The following CAMK1D variants were observed in gnomAD, a reference collection of about 807,000 sequenced individuals.
The protein encoded by CAMK1D is calcium/calmodulin dependent protein kinase ID.
A neutral mutation model predicts 47.7 loss-of-function variants in CAMK1D; 9 were observed. That is an observed-to-expected ratio of 0.19 (90% CI 0.11 to 0.33). The LOEUF (loss-of-function observed/expected upper bound fraction) is 0.33, where lower values mean the gene tolerates loss of function less well. Among genes scored for constraint, CAMK1D ranks in the 10% least tolerant of loss-of-function variants. CAMK1D has a pLI of 1.00. For missense variants in CAMK1D, 291 were observed against 488.7 expected, an observed-to-expected ratio of 0.60 and a Z score of 3.81; for synonymous variants, 184 against 184.9, an observed-to-expected ratio of 0.99 and a Z score of 0.04.
Position 12,728,836 on chromosome 10 carries a change from C to T in CAMK1D, c.300-32112C>T, listed in dbSNP as rs377535600. The stretch of plus-strand genomic sequence containing the variant: ...GTGTGTGTGTGTGTATGTGTGCGCA[C>T]GCACACGTGCCTCTGCCGTTGCTCC... On this transcript the variant is annotated intron_variant, in intron 3 of 10. Coordinates refer to ENST00000619168, the MANE Select transcript of CAMK1D (RefSeq NM_153498.4). Among the ~76,000 whole-genome samples, 311 of 152,298 alleles carry T rather than the reference C, an allele frequency of 2.0e-3. 1 individual carries two copies. Among genetic ancestry groups the T allele is most frequent in the African/African-American group, 7.0e-3 (290 of 41,572 alleles).
chr10:12,602,895 G>GTTATTATTATTATTATTATTATTA (rs71386103), intron 2 of CAMK1D, among the ~76,000 whole-genome samples: 26,250 of 134,178 alleles, frequency 0.2, 3,504 homozygotes, highest in Admixed American at 0.27. Context: ...CTAACTGCTT[G>GTTATTATTATTATTATTATTATTA]TTATTATTAT....
At chr10:12,750,698 A>G (rs1384073755) in intron 3 of CAMK1D, among the ~76,000 whole-genome samples, 1 of 152,144 alleles carries the variant, frequency 6.6e-6, no homozygotes, top group Non-Finnish European at 1.5e-5. Context: ...TGAATGATGA[A>G]TGAATGAATG....
chr10:12,746,899 G>C (rs1435736198), intron 3 of CAMK1D, among the ~76,000 whole-genome samples: 1 of 152,184 alleles, frequency 6.6e-6, no homozygotes, highest in Non-Finnish European at 1.5e-5. Context: ...GATGCCTTTA[G>C]TTGGGGTTAA....
intron 5 of CAMK1D, among the ~76,000 whole-genome samples, chr10:12,773,839 C>A (rs570594069): frequency 2.0e-5 from 3 of 152,160 alleles, no homozygotes; most frequent in Non-Finnish European, 4.4e-5. Flanking sequence ...ACAGAGGTTG[C>A]AGTGAGCTGA....
At chr10:12,734,383 T>C in intron 3 of CAMK1D, among the ~76,000 whole-genome samples, 1 of 1,948 alleles carries the variant, frequency 5.1e-4, no homozygotes, top group South Asian at 0.018. Flanking sequence ...TATATAGATA[T>C]AGATATAGAT....
intron 3 of CAMK1D, among the ~76,000 whole-genome samples, chr10:12,681,088 C>A (rs1308949548): frequency 1.3e-5 from 2 of 152,088 alleles, no homozygotes; most frequent in Non-Finnish European, 2.9e-5. Context: ...ACAGGACAAC[C>A]CACATCATAA....
chr10:12,404,987 A>G (rs1346930789), intron 1 of CAMK1D, among the ~76,000 whole-genome samples: 2 of 152,134 alleles, frequency 1.3e-5, no homozygotes, highest in African/African-American at 4.8e-5. Flanking sequence ...GCCTGGCTGG[A>G]AAACTGTATT....
chr10:12,409,582 C>T (rs773124802), intron 1 of CAMK1D, among the ~76,000 whole-genome samples: 6 of 152,214 alleles, frequency 3.9e-5, no homozygotes, highest in Non-Finnish European at 5.9e-5. Context: ...TCACACCTGG[C>T]TGAAAAATTT....
chr10:12,701,989 G>T (rs192202499), intron 3 of CAMK1D, among the ~76,000 whole-genome samples: 5 of 152,204 alleles, frequency 3.3e-5, no homozygotes. Context: ...GGCAGAGGGC[G>T]CAGTTATGAA....
intron 1 of CAMK1D, among the ~76,000 whole-genome samples, chr10:12,413,515 G>GGTGATA: frequency 6.6e-6 from 1 of 152,274 alleles, no homozygotes; most frequent in Non-Finnish European, 1.5e-5. Context: ...TGGTGATGAT[G>GGTGATA]ATGGTGATAA....
chr10:12,726,891 T>C (rs1834664675), intron 3 of CAMK1D, among the ~76,000 whole-genome samples: 1 of 152,248 alleles, frequency 6.6e-6, no homozygotes, highest in Admixed American at 6.5e-5. Context: ...TGTTCGTGCA[T>C]CCAGGTGAGA....
intron 1 of CAMK1D, among the ~76,000 whole-genome samples, chr10:12,534,910 C>G (rs1450067068): frequency 1.3e-5 from 2 of 152,174 alleles, no homozygotes; most frequent in Admixed American, 6.5e-5. Flanking sequence ...GTGCCCATGT[C>G]ATTCATTTAG....
chr10:12,540,411 G>T (rs1836128566), intron 1 of CAMK1D, among the ~76,000 whole-genome samples: 1 of 152,212 alleles, frequency 6.6e-6, no homozygotes, highest in Admixed American at 6.5e-5. Context: ...AGGAAGGAGT[G>T]CTATTAAACA....
chr10:12,518,130 A>T (rs1490724104), intron 1 of CAMK1D, among the ~76,000 whole-genome samples: 1 of 152,200 alleles, frequency 6.6e-6, no homozygotes, highest in Non-Finnish European at 1.5e-5. Flanking sequence ...TCTACTAAAG[A>T]ACTGGTCTAT....
intron 1 of CAMK1D, among the ~76,000 whole-genome samples, chr10:12,449,860 A>G (rs1186648068): frequency 1.3e-5 from 2 of 152,226 alleles, no homozygotes; most frequent in Admixed American, 1.3e-4. Flanking sequence ...TTATCTGGGC[A>G]TGGTGGCAGG....
At chr10:12,766,836 C>T (rs1467463589) in intron 4 of CAMK1D, among the ~76,000 whole-genome samples, 2 of 152,034 alleles carry the variant, frequency 1.3e-5, no homozygotes, top group East Asian at 1.9e-4. Flanking sequence ...GACAGGGCTG[C>T]GCAGGCCTGG....
At chr10:12,630,107 T>G (rs1564456239) in intron 2 of CAMK1D, among the ~76,000 whole-genome samples, 1 of 152,206 alleles carries the variant, frequency 6.6e-6, no homozygotes, top group Non-Finnish European at 1.5e-5. Context: ...TACAGTTCTT[T>G]CTAGCCATAA....
intron 1 of CAMK1D, among the ~76,000 whole-genome samples, chr10:12,403,698 A>C (rs555645938): frequency 1.3e-5 from 2 of 152,328 alleles, no homozygotes; most frequent in African/African-American, 2.4e-5. Flanking sequence ...TTTGATTTGC[A>C]AAAAATTCAG....
At chr10:12,591,304 C>G (rs1837987908) in intron 2 of CAMK1D, among the ~76,000 whole-genome samples, 1 of 152,208 alleles carries the variant, frequency 6.6e-6, no homozygotes, top group Non-Finnish European at 1.5e-5. Flanking sequence ...TGATCAATTA[C>G]TGGCAGCTGC....
Sources: gnomAD v4.1 joint callset for allele counts (sites outside exome capture counted in the v4.1 genomes callset) on GRCh38, gnomAD v4.1.1 for gene constraint, MANE v1.5 for transcripts, NCBI Gene and HGNC (gene_info 2026-07-23, HGNC 2026-07-21) for gene names.